The following RRBP1 variants were observed in gnomAD, a reference collection of about 807,000 sequenced individuals.
RRBP1 encodes the protein ribosome-binding protein 1.
RRBP1 carries 94 observed loss-of-function variants against 165.2 expected under a neutral mutation model. The observed-to-expected ratio is 0.57, with a 90% CI of 0.48 to 0.68. RRBP1 has a LOEUF of 0.68. RRBP1 is among the 30% of genes least tolerant of loss of function. The pLI, the probability that RRBP1 is intolerant of heterozygous loss-of-function variation, is 0.00. For missense variants in RRBP1, 1,676 were observed against 1,763.0 expected, an observed-to-expected ratio of 0.95 and a Z score of 0.88; for synonymous variants, 680 against 714.5, an observed-to-expected ratio of 0.95 and a Z score of 0.77.
intron 2 of RRBP1, among the ~76,000 whole-genome samples, chr20:17,674,569 C>G (rs1475660173): frequency 1.3e-5 from 2 of 151,992 alleles, no homozygotes; most frequent in Non-Finnish European, 2.9e-5. Flanking sequence ...CGAGACCATC[C>G]TGGCTAACAT....
At chr20:17,635,463 C>T in intron 7 of RRBP1, 83 bp downstream of exon 7, 1 of 1,014,230 alleles carries the variant, frequency 9.9e-7, no homozygotes, top group Non-Finnish European at 1.5e-6. Flanking sequence ...GCTCTTGTGC[C>T]AGCTGCCCTG....
At chr20:17,677,765 G>A (rs1015112566) in intron 2 of RRBP1, among the ~76,000 whole-genome samples, 3 of 152,094 alleles carry the variant, frequency 2.0e-5, no homozygotes, top group African/African-American at 7.2e-5. Context: ...CTTGAACCCG[G>A]GAGGTAGAAG....
chr20:17,668,043 A>G (rs1169259658), intron 2 of RRBP1, among the ~76,000 whole-genome samples: 2 of 152,188 alleles, frequency 1.3e-5, no homozygotes, highest in Non-Finnish European at 2.9e-5. Context: ...ATCTCTCATT[A>G]CTTTTAAGAT....
At chr20:17,633,061 C>T (rs2036182493) in intron 8 of RRBP1, among the ~76,000 whole-genome samples, 2 of 152,194 alleles carry the variant, frequency 1.3e-5, no homozygotes, top group South Asian at 2.1e-4. Flanking sequence ...CAGAGCGAGA[C>T]TTGGGGTTCA....
chr20:17,638,357 C>A (rs566845030), intron 5 of RRBP1, among the ~76,000 whole-genome samples: 1 of 152,348 alleles, frequency 6.6e-6, no homozygotes, highest in South Asian at 2.1e-4. Context: ...ACATGGATGG[C>A]TGGTTGGGAA....
chr20:17,668,247 T>C (rs2122485752), intron 2 of RRBP1, among the ~76,000 whole-genome samples: 1 of 152,334 alleles, frequency 6.6e-6, no homozygotes, highest in East Asian at 1.9e-4. Flanking sequence ...AATCTCTTTG[T>C]GCTACCATTT....
chr20:17,644,960 G>A (rs2036436397), intron 3 of RRBP1, among the ~76,000 whole-genome samples: 1 of 152,172 alleles, frequency 6.6e-6, no homozygotes, highest in African/African-American at 2.4e-5. Flanking sequence ...CACATCCATG[G>A]CTCACACGTG....
Position 17,629,838 on chromosome 20 carries a change from G to A in RRBP1, c.2734C>T (p.Gln912Ter). 1 of 1,598,432 alleles carries A rather than the reference G, an allele frequency of 6.3e-7. No homozygotes were observed. The highest frequency in any genetic ancestry group is 8.5e-7 in the Non-Finnish European group (1 of 1,178,878). Residue 912 changes from glutamine (Q) to a stop codon, truncating the protein, a stop_gained, in exon 9 of 25, where the codon CAG becomes TAG. Coordinates refer to ENST00000377813, the MANE Select transcript of RRBP1 (RefSeq NM_001365613.2). LOFTEE classifies it high-confidence loss of function. Reference protein sequence around the residue: ...RADAEKAQEQQQQMAELHSKL... With the variant: ...RADAEKAQEQ Reference sequence around the variant, plus strand: ...CCGCCCTTACCGGCCATCTGCTGCTGTTGCTCCTGGGCCTTCTCGGCATCC... The same window carrying A: ...CCGCCCTTACCGGCCATCTGCTGCTATTGCTCCTGGGCCTTCTCGGCATCC...
chr20:17,669,030 C>CAAAG (rs1198224927), intron 2 of RRBP1, among the ~76,000 whole-genome samples: 3 of 151,590 alleles, frequency 2.0e-5, no homozygotes, highest in Non-Finnish European at 4.4e-5. Context: ...TTTTTTAACC[C>CAAAG]AAAGAAACTA....
chr20:17,627,801 CTCT>C, intron 9 of RRBP1, 119 bp from the exon 10 acceptor site: 1 of 934,728 alleles, frequency 1.1e-6, no homozygotes, highest in South Asian at 1.9e-5. Flanking sequence ...CTCCTGCCTC[CTCT>C]GTGTGTCTGG....
intron 3 of RRBP1, among the ~76,000 whole-genome samples, chr20:17,657,616 G>A (rs1411909762): frequency 6.6e-6 from 1 of 152,074 alleles, no homozygotes; most frequent in African/African-American, 2.4e-5. Context: ...AAGGAGAGGA[G>A]AGGAGAGGAA....
intron 3 of RRBP1, among the ~76,000 whole-genome samples, chr20:17,646,580 G>A (rs751494074): frequency 7.2e-5 from 11 of 152,342 alleles, no homozygotes; most frequent in Non-Finnish European, 1.3e-4. Context: ...AAGTTGCAAC[G>A]TGCTTGGAAC....
In RRBP1 at chr20:17,666,512, T is replaced by C. The variant is rs193108246; in HGVS notation, c.-21-5984A>G. The stretch of plus-strand genomic sequence containing the variant: ...TAATTCATTTCTGCATATGTATAAT[T>C]TACCCAGCTATCATCTATGTTCTTG... On this transcript the variant is annotated intron_variant, in intron 2 of 24. Coordinates refer to ENST00000377813, the MANE Select transcript of RRBP1 (RefSeq NM_001365613.2). Among the ~76,000 whole-genome samples the C allele has an allele frequency of 2.4e-4, 37 of 152,376 alleles. 1 individual carries two copies. Among genetic ancestry groups the C allele is most frequent in the African/African-American group, 8.9e-4 (37 of 41,594 alleles).
intron 8 of RRBP1, among the ~76,000 whole-genome samples, chr20:17,631,806 G>A (rs4814631): frequency 1.3e-5 from 2 of 152,256 alleles, no homozygotes; most frequent in Admixed American, 1.3e-4. Flanking sequence ...CATTCCTGCA[G>A]AGCTGGCTGG....
intron 5 of RRBP1, 27 bp from the exon 6 acceptor site, chr20:17,636,756 G>A (rs1194679657): frequency 6.2e-7 from 1 of 1,611,308 alleles, no homozygotes; most frequent in African/African-American, 1.3e-5. Flanking sequence ...AGAGAGAGGG[G>A]CTGGTAAGCC....
intron 5 of RRBP1, 91 bp from the exon 6 acceptor site, chr20:17,636,820 G>T: frequency 6.6e-6 from 10 of 1,519,454 alleles, no homozygotes; most frequent in Non-Finnish European, 1.8e-6. Flanking sequence ...GAGCTGGGAG[G>T]CTGGAGAGCA....
At chr20:17,646,300 T>TA (rs1256842998) in intron 3 of RRBP1, among the ~76,000 whole-genome samples, 1 of 152,104 alleles carries the variant, frequency 6.6e-6, no homozygotes, top group Non-Finnish European at 1.5e-5. Flanking sequence ...GCTAACTCAA[T>TA]AAAAAACAAA....
intron 5 of RRBP1, 34 bp downstream of exon 5, chr20:17,641,763 G>C: frequency 6.2e-7 from 1 of 1,609,508 alleles, no homozygotes. Flanking sequence ...GGACGGGAGA[G>C]GACAAACCAT....
At chr20:17,662,342 C>T (rs1205686286) in intron 2 of RRBP1, among the ~76,000 whole-genome samples, 5 of 152,106 alleles carry the variant, frequency 3.3e-5, no homozygotes, top group Non-Finnish European at 7.4e-5. Flanking sequence ...AAGACCTTCA[C>T]AAGAAGAGGG....
Sources: gnomAD v4.1 joint callset for allele counts (sites outside exome capture counted in the v4.1 genomes callset) on GRCh38, gnomAD v4.1.1 for gene constraint, MANE v1.5 for transcripts, NCBI Gene and HGNC (gene_info 2026-07-23, HGNC 2026-07-21) for gene names.